Variants in CTNNA3 observed in about 807,000 individuals in gnomAD.
The protein encoded by CTNNA3 is catenin alpha 3.
CTNNA3 carries 76 observed loss-of-function variants against 95.7 expected under a neutral mutation model. The observed-to-expected ratio is 0.79, with a 90% confidence interval of 0.66 to 0.96. The LOEUF is 0.96. Ranked by LOEUF, CTNNA3 falls within the 40% of genes least tolerant of loss-of-function variation. CTNNA3 has a pLI of 0.00. For missense variants in CTNNA3, 1,191 were observed against 1,089.8 expected, an observed-to-expected ratio of 1.09 and a Z score of -1.31; for synonymous variants, 431 against 374.4, an observed-to-expected ratio of 1.15 and a Z score of -1.74.
intron 14 of CTNNA3, among the ~76,000 whole-genome samples, chr10:66,080,222 C>T (rs921273301): frequency 5.3e-5 from 8 of 152,120 alleles, no homozygotes; most frequent in African/African-American, 1.9e-4. Context: ...TTTCTGATCT[C>T]GATCTACTGC....
At chr10:66,721,886 G>GA (rs1009606538) in intron 9 of CTNNA3, among the ~76,000 whole-genome samples, 5 of 152,010 alleles carry the variant, frequency 3.3e-5, no homozygotes, top group African/African-American at 4.8e-5. Context: ...AGATTAGGAG[G>GA]AAAAAAACCT....
intron 10 of CTNNA3, among the ~76,000 whole-genome samples, chr10:66,617,127 T>A (rs1844545137): frequency 6.6e-6 from 1 of 152,000 alleles, no homozygotes; most frequent in Non-Finnish European, 1.5e-5. Flanking sequence ...ACTTTCTGTG[T>A]GAGTGTGTTA....
chr10:66,003,252 T>C (rs1398002580), intron 15 of CTNNA3, among the ~76,000 whole-genome samples: 1 of 152,148 alleles, frequency 6.6e-6, no homozygotes, highest in African/African-American at 2.4e-5. Context: ...ATTTTCAAGA[T>C]ATTTTAGGAG....
At chr10:66,617,034 G>A (rs2132302445) in intron 10 of CTNNA3, among the ~76,000 whole-genome samples, 1 of 151,860 alleles carries the variant, frequency 6.6e-6, no homozygotes, top group African/African-American at 2.4e-5. Context: ...AATATTTATT[G>A]AACATCCAAT....
At chr10:66,119,272 C>G (rs1230887559) in intron 13 of CTNNA3, among the ~76,000 whole-genome samples, 5 of 152,110 alleles carry the variant, frequency 3.3e-5, no homozygotes, top group Non-Finnish European at 7.4e-5. Flanking sequence ...TTATTCAAAA[C>G]TTCATGAATA....
chr10:65,944,854 GTCTA>G (rs56952134), intron 17 of CTNNA3, among the ~76,000 whole-genome samples: 29,261 of 144,680 alleles, frequency 0.2, 3,049 homozygotes, highest in African/African-American at 0.29. Context: ...GAAAATATCT[GTCTA>G]TCTATCTATC....
chr10:66,819,107 A>T (rs1363669082), intron 7 of CTNNA3, among the ~76,000 whole-genome samples: 2 of 151,050 alleles, frequency 1.3e-5, no homozygotes, highest in African/African-American at 2.4e-5. Flanking sequence ...AAAAAAAAAA[A>T]AAAAAAAAGG....
chr10:67,127,242 A>G (rs1228678584), intron 7 of CTNNA3, among the ~76,000 whole-genome samples: 1 of 152,146 alleles, frequency 6.6e-6, no homozygotes, highest in Admixed American at 6.6e-5. Context: ...CTAATTTTTT[A>G]TAAGTGGAGA....
chr10:66,331,745 G>A (rs1356093094), intron 12 of CTNNA3, among the ~76,000 whole-genome samples: 3 of 151,814 alleles, frequency 2.0e-5, no homozygotes, highest in Non-Finnish European at 2.9e-5. Flanking sequence ...TGATGCCTCT[G>A]GCTTTGTTCT....
chr10:67,640,494 G>A (rs1162278515), intron 2 of CTNNA3, among the ~76,000 whole-genome samples: 6 of 152,206 alleles, frequency 3.9e-5, no homozygotes, highest in Admixed American at 3.9e-4. Flanking sequence ...CACAGAATTG[G>A]GAAAAACTAC....
Position 66,182,030 on chromosome 10 carries a change from C to A in CTNNA3, c.1885-78781G>T, listed in dbSNP as rs1381317512. Among the ~76,000 whole-genome samples, 3 of 152,078 alleles carry A rather than the reference C, an allele frequency of 2.0e-5. No homozygotes were observed. The East Asian group carries it at 5.8e-4, about 29-fold the overall frequency. ...TTGTGTAAAAATGTCCTATGATAAT[C>A]CACAAACCAATAATCTGTATTGTTG... On this transcript the variant is annotated intron_variant, in intron 13 of 17. Transcript: ENST00000433211.
At chr10:66,903,422 T>C (rs533173288) in intron 7 of CTNNA3, among the ~76,000 whole-genome samples, 1 of 152,288 alleles carries the variant, frequency 6.6e-6, no homozygotes, top group African/African-American at 2.4e-5. Context: ...GCCAATATCA[T>C]ACCGAATGGA....
intron 7 of CTNNA3, among the ~76,000 whole-genome samples, chr10:67,133,459 G>C (rs1182941965): frequency 1.3e-5 from 2 of 150,716 alleles, no homozygotes; most frequent in Non-Finnish European, 3.0e-5. Context: ...TAAATGGTTG[G>C]ACTGATTTAA....
chr10:66,955,664 A>T (rs1449829429), intron 7 of CTNNA3, among the ~76,000 whole-genome samples: 3 of 152,182 alleles, frequency 2.0e-5, no homozygotes, highest in Middle Eastern at 3.2e-3. Flanking sequence ...ATTAGAATTT[A>T]TAAGAGCAAG....
At chr10:66,414,317 A>G (rs2132607174) in intron 11 of CTNNA3, among the ~76,000 whole-genome samples, 1 of 152,240 alleles carries the variant, frequency 6.6e-6, no homozygotes, top group African/African-American at 2.4e-5. Context: ...AGAACACTGG[A>G]ATCCAACAAA....
intron 5 of CTNNA3, among the ~76,000 whole-genome samples, chr10:67,418,100 C>T (rs1265977834): frequency 6.6e-6 from 1 of 152,158 alleles, no homozygotes; most frequent in Non-Finnish European, 1.5e-5. Flanking sequence ...TCACATTCTC[C>T]ACCATAGTGC....
chr10:66,277,488 G>A (rs573913320), intron 13 of CTNNA3, among the ~76,000 whole-genome samples: 185 of 152,176 alleles, frequency 1.2e-3, no homozygotes, highest in African/African-American at 4.1e-3. Context: ...ATTTGACCTT[G>A]TAAAAAGAAG....
At chr10:66,041,779 T>G (rs957102755) in intron 15 of CTNNA3, among the ~76,000 whole-genome samples, 14 of 152,196 alleles carry the variant, frequency 9.2e-5, no homozygotes, top group African/African-American at 3.4e-4. Context: ...TCTATTGTCA[T>G]CCTGATCCAG....
At chr10:66,035,695 G>A (rs1039965211) in intron 15 of CTNNA3, among the ~76,000 whole-genome samples, 1 of 151,756 alleles carries the variant, frequency 6.6e-6, no homozygotes, top group African/African-American at 2.4e-5. Flanking sequence ...TACTTTGGGG[G>A]GGTTTCTTGG....
Sources: allele counts gnomAD v4.1 joint callset (sites outside exome capture counted in the v4.1 genomes callset), GRCh38; gene constraint gnomAD v4.1.1; transcripts MANE v1.5; gene names NCBI Gene and HGNC (gene_info 2026-07-23, HGNC 2026-07-21).